PDE4B: variants seen among roughly 807,000 people sequenced by gnomAD.
PDE4B encodes phosphodiesterase 4B.
In PDE4B, 20 loss-of-function variants were observed where a neutral mutation model predicts 82.2. The observed-to-expected ratio is 0.24, with a 90% CI of 0.17 to 0.35. PDE4B has a LOEUF of 0.35. PDE4B is among the 10% of genes least tolerant of loss of function. The probability of loss-of-function intolerance (pLI) is 1.00; values close to 1 mark genes in which losing one functional copy is unlikely to be tolerated. For synonymous variants in PDE4B, 320 were observed against 318.9 expected, an observed-to-expected ratio of 1.00 and a Z score of -0.04; for missense variants, 655 against 907.2, an observed-to-expected ratio of 0.72 and a Z score of 3.57.
At chr1:66,099,852 A>G (rs1294190257) in intron 3 of PDE4B, among the ~76,000 whole-genome samples, 1 of 152,106 alleles carries the variant, frequency 6.6e-6, no homozygotes, top group Non-Finnish European at 1.5e-5. Flanking sequence ...GTCAGAACAG[A>G]TTGCTTTCTC....
At chr1:66,164,129 T>C (rs765256034) in intron 3 of PDE4B, among the ~76,000 whole-genome samples, 10 of 152,304 alleles carry the variant, frequency 6.6e-5, no homozygotes, top group Admixed American at 2.0e-4. Context: ...CTTTAGTAGA[T>C]AGCAAAAAGA....
intron 3 of PDE4B, among the ~76,000 whole-genome samples, chr1:66,140,045 T>C (rs947204337): frequency 7.9e-5 from 12 of 152,224 alleles, no homozygotes; most frequent in Admixed American, 2.0e-4. Flanking sequence ...ACTTAGCTTT[T>C]GCCTTAGGGA....
At chr1:66,168,631 T>C (rs1251543882) in intron 3 of PDE4B, among the ~76,000 whole-genome samples, 1 of 152,190 alleles carries the variant, frequency 6.6e-6, no homozygotes, top group Admixed American at 6.5e-5. Flanking sequence ...GAGACCGTTG[T>C]AAGAACTTTG....
intron 3 of PDE4B, among the ~76,000 whole-genome samples, chr1:66,031,192 G>A (rs1293389914): frequency 2.0e-5 from 3 of 152,056 alleles, no homozygotes; most frequent in African/African-American, 7.2e-5. Flanking sequence ...ACATTTCCAG[G>A]TATTTAAAGT....
intron 3 of PDE4B, among the ~76,000 whole-genome samples, chr1:65,919,481 T>C (rs1647200497): frequency 6.6e-6 from 1 of 152,222 alleles, no homozygotes; most frequent in Non-Finnish European, 1.5e-5. Flanking sequence ...ATATATTTAA[T>C]AATTAGTACA....
intron 1 of PDE4B, among the ~76,000 whole-genome samples, chr1:65,831,096 C>T (rs751509075): frequency 1.3e-5 from 2 of 151,812 alleles, no homozygotes; most frequent in African/African-American, 2.4e-5. Flanking sequence ...AATTCAGTAA[C>T]CCAAGCTTAC....
At chr1:65,897,792 A>C (rs983391249) in intron 1 of PDE4B, among the ~76,000 whole-genome samples, 11 of 152,030 alleles carry the variant, frequency 7.2e-5, no homozygotes, top group Non-Finnish European at 1.5e-4. Flanking sequence ...CTATGATTAA[A>C]ATATGAGTGC....
intron 1 of PDE4B, among the ~76,000 whole-genome samples, chr1:65,899,753 C>T (rs1646950800): frequency 6.6e-6 from 1 of 151,160 alleles, no homozygotes; most frequent in African/African-American, 2.4e-5. Context: ...ACATTGGAGA[C>T]ATTATTCTAA....
At chr1:65,883,226 A>T (rs1646730031) in intron 1 of PDE4B, among the ~76,000 whole-genome samples, 1 of 152,142 alleles carries the variant, frequency 6.6e-6, no homozygotes, top group Non-Finnish European at 1.5e-5. Flanking sequence ...GATGGCATTG[A>T]ATCTATAAAT....
At chr1:66,079,895 A>G (rs1174841503) in intron 3 of PDE4B, among the ~76,000 whole-genome samples, 1 of 152,134 alleles carries the variant, frequency 6.6e-6, no homozygotes, top group Non-Finnish European at 1.5e-5. Context: ...ATACACATAT[A>G]AATATATACT....
At chr1:66,255,774 T>G (rs1654169453) in intron 4 of PDE4B, among the ~76,000 whole-genome samples, 1 of 152,220 alleles carries the variant, frequency 6.6e-6, no homozygotes. Context: ...TCTATTACAG[T>G]TTTTAAAATA....
At chr1:65,920,025 A>G (rs527526751) in intron 3 of PDE4B, among the ~76,000 whole-genome samples, 93 of 152,356 alleles carry the variant, frequency 6.1e-4, no homozygotes, top group African/African-American at 2.2e-3. Context: ...TTAACATTAT[A>G]TAAGAGTCAT....
At chr1:66,331,669 T>C in intron 7 of PDE4B, 1 of 810,794 alleles carries the variant, frequency 1.2e-6, no homozygotes, top group Non-Finnish European at 1.5e-6. Context: ...CTGCAGAGTG[T>C]TCACATCTGG....
At chr1:66,181,981 T>C (rs915469085) in intron 3 of PDE4B, among the ~76,000 whole-genome samples, 2 of 152,040 alleles carry the variant, frequency 1.3e-5, no homozygotes, top group African/African-American at 4.8e-5. Flanking sequence ...TTATATTAAA[T>C]GCTATTTTTT....
At chr1:65,969,852 C>T (rs546312350) in intron 3 of PDE4B, among the ~76,000 whole-genome samples, 1 of 152,034 alleles carries the variant, frequency 6.6e-6, no homozygotes, top group Non-Finnish European at 1.5e-5. Flanking sequence ...ATTGCTCTTC[C>T]AGTATTATTT....
chr1:66,245,149 T>G (rs534762165), intron 3 of PDE4B, among the ~76,000 whole-genome samples: 1 of 152,316 alleles, frequency 6.6e-6, no homozygotes, highest in South Asian at 2.1e-4. Context: ...ACTGATGAAT[T>G]AATGGACACA....
intron 3 of PDE4B, among the ~76,000 whole-genome samples, chr1:66,200,061 T>C (rs1286711426): frequency 6.6e-6 from 1 of 152,206 alleles, no homozygotes; most frequent in East Asian, 1.9e-4. Context: ...GCTTTGTACA[T>C]ATGGCTAGCC....
Position 65,915,624 on chromosome 1 carries a change from C to G in PDE4B, c.42+2268C>G, listed in dbSNP as rs1273639712. 2.0e-5 allele frequency among the ~76,000 whole-genome samples: 3 copies of G among 152,270 alleles called. No homozygotes were observed. In the East Asian group the frequency reaches 5.8e-4, roughly 29 times the overall value. On this transcript the variant is annotated intron_variant, in intron 2 of 16. Transcript: ENST00000341517. Reference sequence around the variant, plus strand: ...TAAGCACCAGCATTTCTCATCTGGACATTTCAATGGTCCTAACTTGGTTGG... The same window carrying G: ...TAAGCACCAGCATTTCTCATCTGGAGATTTCAATGGTCCTAACTTGGTTGG...
chr1:66,098,385 C>T (rs777025979), intron 3 of PDE4B, among the ~76,000 whole-genome samples: 3 of 152,146 alleles, frequency 2.0e-5, no homozygotes, highest in East Asian at 1.9e-4. Flanking sequence ...GTACACTGGA[C>T]GTTCATTGAA....
Sources: allele counts gnomAD v4.1 joint callset (sites outside exome capture counted in the v4.1 genomes callset), GRCh38; gene constraint gnomAD v4.1.1; transcripts MANE v1.5; gene names NCBI Gene and HGNC (gene_info 2026-07-23, HGNC 2026-07-21).